Variants in HPSE2 observed in about 807,000 individuals in gnomAD.
HPSE2 encodes the protein heparanase 2 (inactive), also known as inactive heparanase-2.
In HPSE2, 38 loss-of-function variants were observed where a neutral mutation model predicts 60.5. The ratio of observed to expected loss-of-function variants is 0.63; its 90% CI spans 0.48 to 0.82. HPSE2 has a LOEUF of 0.82. Among genes scored for constraint, HPSE2 ranks in the 40% least tolerant of loss-of-function variants. The pLI is 0.00. For synonymous variants in HPSE2, 295 were observed against 293.2 expected, an observed-to-expected ratio of 1.01 and a Z score of -0.06; for missense variants, 713 against 740.4, an observed-to-expected ratio of 0.96 and a Z score of 0.43.
At chr10:98,726,937 C>A (rs1242086626) in intron 4 of HPSE2, among the ~76,000 whole-genome samples, 1 of 152,042 alleles carries the variant, frequency 6.6e-6, no homozygotes, top group Non-Finnish European at 1.5e-5. Flanking sequence ...TGTTTCCCAA[C>A]CAACACAGAG....
In HPSE2 at chr10:99,025,807, T is replaced by C. The variant is rs140768171; in HGVS notation, c.610+118431A>G. On this transcript the variant is annotated intron_variant, in intron 3 of 11. Transcript: ENST00000370552. ...AATAACATTGGGTGATGAAATAATA[T>C]GTACAAAAAACCCTTGTGACATGTA... Among the ~76,000 whole-genome samples the C allele has an allele frequency of 1.6e-3, 244 of 152,106 alleles. 1 individual carries two copies. Among genetic ancestry groups the C allele is most frequent in the African/African-American group, 5.6e-3 (234 of 41,502 alleles).
At chr10:98,585,233 C>A (rs1348271516) in intron 9 of HPSE2, among the ~76,000 whole-genome samples, 1 of 151,514 alleles carries the variant, frequency 6.6e-6, no homozygotes, top group African/African-American at 2.4e-5. Context: ...CCAAGTTCTA[C>A]CAAAAGCGCT....
chr10:98,535,760 C>CA (rs1010505944), intron 9 of HPSE2, among the ~76,000 whole-genome samples: 4 of 152,178 alleles, frequency 2.6e-5, no homozygotes, highest in African/African-American at 9.7e-5. Context: ...CCTCTCACCT[C>CA]TTTCAACTGT....
intron 1 of HPSE2, 140 bp from the exon 2 acceptor site, chr10:99,232,645 C>A: frequency 1.0e-6 from 1 of 973,874 alleles, no homozygotes; most frequent in South Asian, 1.5e-5. Flanking sequence ...AGCCGGCAGT[C>A]CACGCTGGCC....
chr10:98,941,829 A>T (rs1447549479), intron 3 of HPSE2, among the ~76,000 whole-genome samples: 1 of 140,608 alleles, frequency 7.1e-6, no homozygotes, highest in African/African-American at 3.0e-5. Context: ...ACTTCAAACT[A>T]TACTACAAGG....
chr10:98,906,920 C>G (rs989509068), intron 3 of HPSE2, among the ~76,000 whole-genome samples: 2 of 151,324 alleles, frequency 1.3e-5, no homozygotes, highest in African/African-American at 4.9e-5. Context: ...AAAAAAAATG[C>G]TAGAATAGTA....
At chr10:98,795,996 C>G (rs1387128983) in intron 3 of HPSE2, among the ~76,000 whole-genome samples, 3 of 152,178 alleles carry the variant, frequency 2.0e-5, no homozygotes, top group Non-Finnish European at 4.4e-5. Context: ...CTGAAGAGCC[C>G]TTGGGTCCTG....
chr10:98,756,305 AAAAT>A (rs1236910809), intron 3 of HPSE2, among the ~76,000 whole-genome samples: 4 of 152,164 alleles, frequency 2.6e-5, no homozygotes, highest in Admixed American at 2.0e-4. Context: ...CTAGCAGAAG[AAAAT>A]AAATAACCAA....
chr10:99,140,390 C>G (rs1426213414), intron 3 of HPSE2, among the ~76,000 whole-genome samples: 1 of 152,168 alleles, frequency 6.6e-6, no homozygotes, highest in East Asian at 1.9e-4. Flanking sequence ...TAATTATTGG[C>G]TACAGTTTCA....
At chr10:98,646,059 G>C (rs1946760868) in intron 6 of HPSE2, among the ~76,000 whole-genome samples, 1 of 152,118 alleles carries the variant, frequency 6.6e-6, no homozygotes, top group Admixed American at 6.6e-5. Context: ...AGATATGCTT[G>C]GACAACTAAC....
chr10:99,259,981 A>G, the HPSE2 span, among the ~76,000 whole-genome samples: 1 of 152,082 alleles, frequency 6.6e-6, no homozygotes, highest in African/African-American at 2.4e-5. Flanking sequence ...CCGTAGAAAA[A>G]CTGTCTTCCA....
chr10:99,302,460 G>C, the HPSE2 span, among the ~76,000 whole-genome samples: 1 of 152,074 alleles, frequency 6.6e-6, no homozygotes, highest in African/African-American at 2.4e-5. Flanking sequence ...GAAATGCTCT[G>C]GCTGACAGAG....
chr10:98,528,593 C>G (rs1564942295), intron 9 of HPSE2, among the ~76,000 whole-genome samples: 1 of 152,072 alleles, frequency 6.6e-6, no homozygotes, highest in East Asian at 1.9e-4. Context: ...GAACAGACAC[C>G]CAATTAGTTA....
At chr10:98,586,337 T>C (rs1205994770) in intron 9 of HPSE2, among the ~76,000 whole-genome samples, 1 of 152,178 alleles carries the variant, frequency 6.6e-6, no homozygotes, top group African/African-American at 2.4e-5. Context: ...TGTTCCACCA[T>C]CCCTGTTTAT....
chr10:99,261,972 C>T, the HPSE2 span, among the ~76,000 whole-genome samples: 4 of 152,202 alleles, frequency 2.6e-5, no homozygotes, highest in Non-Finnish European at 4.4e-5. Flanking sequence ...CTGTCCAACT[C>T]GCCTGGCAGC....
intron 11 of HPSE2, among the ~76,000 whole-genome samples, chr10:98,462,575 C>T (rs1206000166): frequency 6.6e-6 from 1 of 152,216 alleles, no homozygotes; most frequent in Non-Finnish European, 1.5e-5. Context: ...TTCAGGTCTC[C>T]ATTCTCAAAA....
At chr10:99,276,407 C>T in the HPSE2 span, among the ~76,000 whole-genome samples, 1 of 152,094 alleles carries the variant, frequency 6.6e-6, no homozygotes, top group African/African-American at 2.4e-5. Context: ...GGTTGTCTAG[C>T]CATCACTTTT....
intron 9 of HPSE2, among the ~76,000 whole-genome samples, chr10:98,565,196 T>C (rs765146040): frequency 2.0e-5 from 3 of 151,650 alleles, no homozygotes; most frequent in African/African-American, 7.3e-5. Flanking sequence ...CCAGGATACA[T>C]GCGCAGAACA....
chr10:98,882,561 A>C (rs1256776889), intron 3 of HPSE2, among the ~76,000 whole-genome samples: 2 of 151,994 alleles, frequency 1.3e-5, no homozygotes, highest in Non-Finnish European at 2.9e-5. Flanking sequence ...AGATCATTAG[A>C]GTGTAAGAGA....
Sources: allele counts gnomAD v4.1 joint callset (sites outside exome capture counted in the v4.1 genomes callset), GRCh38; gene constraint gnomAD v4.1.1; transcripts MANE v1.5; gene names NCBI Gene and HGNC (gene_info 2026-07-23, HGNC 2026-07-21).